MSI2: variants seen among roughly 807,000 people sequenced by gnomAD.
MSI2 encodes the protein RNA-binding protein Musashi homolog 2.
A neutral mutation model predicts 45.6 loss-of-function variants in MSI2; 17 were observed. The ratio of observed to expected loss-of-function variants is 0.37; its 90% CI spans 0.26 to 0.56. The LOEUF (loss-of-function observed/expected upper bound fraction) is 0.56, where lower values mean the gene tolerates loss of function less well. Among genes scored for constraint, MSI2 ranks in the 20% least tolerant of loss-of-function variants. The pLI is 0.77. For missense variants in MSI2, 293 were observed against 444.2 expected (o/e 0.66, Z 3.06); for synonymous variants, 156 against 158.2 (o/e 0.99, Z 0.11).
intron 7 of MSI2, among the ~76,000 whole-genome samples, chr17:57,563,684 ACTGTCTGT>A (rs369283545): frequency 2.8e-5 from 4 of 145,066 alleles, no homozygotes; most frequent in East Asian, 4.1e-4. Flanking sequence ...TTAGTGGCTG[ACTGTCTGT>A]CTGTCTGTCT....
rs1395355640 is a variant in MSI2 at position 57,280,527 on chromosome 17, C to G, written c.312+18335C>G. On this transcript the variant is annotated intron_variant, in intron 5 of 13. Transcript: ENST00000284073. The surrounding 1 kb of genome is among the most constrained non-coding windows in gnomAD (Gnocchi z 4.2). The stretch of plus-strand genomic sequence containing the variant: ...AGTAGCAAGTGTTAAAGGTGAGAGG[C>G]AAATTTGACTTCTCATTGATGTGAG... Among the ~76,000 whole-genome samples the G allele has an allele frequency of 6.6e-6, 1 of 152,162 alleles. No homozygotes were observed. The highest frequency in any genetic ancestry group is 2.1e-4 in the South Asian group (1 of 4,816).
intron 7 of MSI2, among the ~76,000 whole-genome samples, chr17:57,573,207 T>A (rs141572911): frequency 1.3e-5 from 2 of 152,360 alleles, no homozygotes; most frequent in Admixed American, 1.3e-4. Context: ...TACATTTATA[T>A]TTCCCAAATG....
chr17:57,437,033 G>A (rs562181686), intron 6 of MSI2, among the ~76,000 whole-genome samples: 129 of 152,296 alleles, frequency 8.5e-4, no homozygotes, highest in African/African-American at 2.9e-3. Flanking sequence ...AGGTTGAGCC[G>A]AGACTTGGAT....
chr17:57,673,061 T>G lies in MSI2; in HGVS notation c.791-1911T>G, dbSNP rs536043881. Among the ~76,000 whole-genome samples the G allele has an allele frequency of 3.9e-5, 6 of 152,374 alleles. No individual in the cohort carries two copies. In the East Asian group the frequency reaches 1.2e-3, roughly 29 times the overall value. ...AGCTACAGCTTCAGAGGGGCTCACCTTCGGGCTTCCCGCCCCAAGGGCATC... is the reference window on the plus strand; with the variant it reads ...AGCTACAGCTTCAGAGGGGCTCACCGTCGGGCTTCCCGCCCCAAGGGCATC... On this transcript the variant is annotated intron_variant, in intron 11 of 13. Coordinates refer to ENST00000284073, the MANE Select transcript of MSI2 (RefSeq NM_138962.4).
intron 11 of MSI2, among the ~76,000 whole-genome samples, chr17:57,660,900 G>T (rs931717747): frequency 2.0e-5 from 3 of 152,208 alleles, no homozygotes; most frequent in Non-Finnish European, 4.4e-5. Flanking sequence ...AAGGAGACTG[G>T]ATTTACATGG....
intron 10 of MSI2, chr17:57,632,802 T>C (rs770949999): frequency 1.9e-6 from 2 of 1,065,274 alleles, no homozygotes; most frequent in Non-Finnish European, 1.1e-6. Context: ...ACGCTTCCAT[T>C]TGATGCATTT....
chr17:57,620,763 G>A (rs1034499947), intron 9 of MSI2, among the ~76,000 whole-genome samples: 1 of 152,198 alleles, frequency 6.6e-6, no homozygotes, highest in Admixed American at 6.5e-5. Context: ...AGTGACTGTG[G>A]TGAGGCCATC....
chr17:57,526,834 C>CT (rs1218623573), intron 6 of MSI2, among the ~76,000 whole-genome samples: 1 of 152,070 alleles, frequency 6.6e-6, no homozygotes, highest in Non-Finnish European at 1.5e-5. Context: ...CGTCCTGACA[C>CT]TTTATCTATT....
chr17:57,669,613 A>C (rs1912631818), intron 11 of MSI2, among the ~76,000 whole-genome samples: 1 of 152,224 alleles, frequency 6.6e-6, no homozygotes, highest in Non-Finnish European at 1.5e-5. Flanking sequence ...TAGTTTCTTT[A>C]AATTTCTCTG....
chr17:57,351,272 T>C (rs568409340), intron 5 of MSI2, among the ~76,000 whole-genome samples: 1 of 152,132 alleles, frequency 6.6e-6, no homozygotes, highest in South Asian at 2.1e-4. Context: ...CCACATTCTC[T>C]TGTGGGAGTG....
intron 5 of MSI2, among the ~76,000 whole-genome samples, chr17:57,380,203 C>T (rs914868133): frequency 6.6e-6 from 1 of 152,146 alleles, no homozygotes; most frequent in Non-Finnish European, 1.5e-5. Flanking sequence ...TTTGTGGAGC[C>T]ACCCACAATA....
chr17:57,590,846 C>T (rs1904764083), intron 7 of MSI2, among the ~76,000 whole-genome samples: 1 of 152,186 alleles, frequency 6.6e-6, no homozygotes, highest in Non-Finnish European at 1.5e-5. Context: ...TCTCCCACCT[C>T]CCCTAGTTGT....
At chr17:57,668,553 A>G (rs991591887) in intron 11 of MSI2, among the ~76,000 whole-genome samples, 2 of 152,112 alleles carry the variant, frequency 1.3e-5, no homozygotes, top group African/African-American at 4.8e-5. Context: ...GACTGGCGCC[A>G]TTGTCACTGA....
Position 57,627,212 on chromosome 17 carries a change from TTC to T in MSI2, c.653-13_653-12del, listed in dbSNP as rs756426662. 6.2e-7 allele frequency: 1 copy of T among 1,613,936 alleles called. No individual in the cohort carries two copies. ...GGCTGTACTAACAGGACTCTGATCT[TTC>T]TCTTTGTGTTCAAGGATATCCCAAC... is the stretch of plus-strand genomic sequence containing the variant. On this transcript the variant is annotated splice_polypyrimidine_tract_variant and intron_variant, in intron 9 of 13. Transcript: ENST00000284073. The surrounding 1 kb of genome is among the most constrained non-coding windows in gnomAD (Gnocchi z 4.6).
rs1598494306 is a variant in MSI2 at position 57,652,544 on chromosome 17, C to T, written c.790+383C>T. Among the ~76,000 whole-genome samples, 1 of 152,226 alleles carries T rather than the reference C, an allele frequency of 6.6e-6. No individual in the cohort carries two copies. Among genetic ancestry groups the T allele is most frequent in the African/African-American group, 2.4e-5 (1 of 41,446 alleles). On this transcript the variant is annotated intron_variant, in intron 11 of 13. Transcript: ENST00000284073. The surrounding 1 kb of genome is among the most constrained non-coding windows in gnomAD (Gnocchi z 4.1). ...GGCTCCCTTCCTTGGGTCCCTGAGC[C>T]AGCCAGAGAAGTGCTAGGCTGTCCC...
chr17:57,542,822 C>T (rs2087080028), intron 7 of MSI2, among the ~76,000 whole-genome samples: 1 of 152,134 alleles, frequency 6.6e-6, no homozygotes, highest in Non-Finnish European at 1.5e-5. Flanking sequence ...GGGGATGCCT[C>T]CTTCATGTGG....
At position 57,597,846 on chromosome 17, in the gene MSI2, C is replaced by T. The variant is rs556436351; in HGVS notation, c.537+896C>T. On this transcript the variant is annotated intron_variant, in intron 8 of 13. Transcript: ENST00000284073. ...GGTCCTGCTGGAAAATTAACATTCCCTCCCTTGCCATCAATTAATTTCTGC... is the reference window on the plus strand; with the variant it reads ...GGTCCTGCTGGAAAATTAACATTCCTTCCCTTGCCATCAATTAATTTCTGC... 5.4e-4 allele frequency among the ~76,000 whole-genome samples: 83 copies of T among 152,328 alleles called. 1 individual carries two copies. In the South Asian group the frequency reaches 0.016, roughly 30 times the overall value.
At chr17:57,584,791 G>GTT (rs35283984) in intron 7 of MSI2, among the ~76,000 whole-genome samples, 3,876 of 144,380 alleles carry the variant, frequency 0.027, 177 homozygotes, top group African/African-American at 0.094. Flanking sequence ...GATGATTTGG[G>GTT]TTTTTTTTTT....
chr17:57,260,016 G>A (rs776453868), intron 4 of MSI2: 1 of 152,206 alleles, frequency 6.6e-6, no homozygotes. Flanking sequence ...ACATGGAAAC[G>A]AGGATCTTGT....
Sources: allele counts gnomAD v4.1 joint callset (sites outside exome capture counted in the v4.1 genomes callset), GRCh38; gene constraint gnomAD v4.1.1; non-coding constraint Gnocchi (gnomAD v3.1); transcripts MANE v1.5; gene names NCBI Gene and HGNC (gene_info 2026-07-23, HGNC 2026-07-21).